The following KCNMB2 variants were observed in gnomAD, a reference collection of about 807,000 sequenced individuals.
The protein encoded by KCNMB2 is calcium-activated potassium channel subunit beta-2.
Under a neutral mutation model 24.5 loss-of-function variants are expected in KCNMB2, and 9 were observed. The ratio of observed to expected loss-of-function variants is 0.37; its 90% confidence interval spans 0.22 to 0.64. The LOEUF (loss-of-function observed/expected upper bound fraction) is 0.64. KCNMB2 is among the 30% of genes least tolerant of loss of function. The pLI is 0.63. For missense variants in KCNMB2, 226 were observed against 284.3 expected (o/e 0.79, Z 1.47); for synonymous variants, 109 against 104.4 (o/e 1.04, Z -0.27).
intron 1 of KCNMB2, among the ~76,000 whole-genome samples, chr3:178,667,962 C>G (rs1015201142): frequency 1.3e-5 from 2 of 152,116 alleles, no homozygotes; most frequent in Non-Finnish European, 2.9e-5. Context: ...CTCTTGCCCC[C>G]ATGAGTTTTT....
intron 1 of KCNMB2, among the ~76,000 whole-genome samples, chr3:178,655,875 T>C (rs546158418): frequency 6.6e-6 from 1 of 152,314 alleles, no homozygotes; most frequent in South Asian, 2.1e-4. Flanking sequence ...CTCATCAGAA[T>C]TTACTTTTAT....
intron 1 of KCNMB2, among the ~76,000 whole-genome samples, chr3:178,682,870 A>T (rs1275067257): frequency 6.6e-6 from 1 of 152,134 alleles, no homozygotes; most frequent in Non-Finnish European, 1.5e-5. Flanking sequence ...AAAGAAAAAA[A>T]AACAGATGTT....
chr3:178,571,780 G>A (rs1171739268), intron 1 of KCNMB2, among the ~76,000 whole-genome samples: 4 of 151,886 alleles, frequency 2.6e-5, no homozygotes, highest in South Asian at 2.1e-4. Context: ...GAGAACATGC[G>A]GTGTTTGGCT....
chr3:178,559,507 A>T (rs1188022914), intron 1 of KCNMB2, among the ~76,000 whole-genome samples: 1 of 151,698 alleles, frequency 6.6e-6, no homozygotes, highest in Non-Finnish European at 1.5e-5. Flanking sequence ...CATCTAGATG[A>T]CTCTATAAAA....
chr3:178,621,622 TC>T (rs2108527577), intron 1 of KCNMB2, among the ~76,000 whole-genome samples: 1 of 152,292 alleles, frequency 6.6e-6, no homozygotes, highest in South Asian at 2.1e-4. Context: ...GCAGTTTTTT[TC>T]CATTGCACTT....
At chr3:178,830,997 A>G (rs901450913) in intron 4 of KCNMB2, among the ~76,000 whole-genome samples, 1 of 152,108 alleles carries the variant, frequency 6.6e-6, no homozygotes, top group African/African-American at 2.4e-5. Flanking sequence ...CCACCCTAAT[A>G]TCATAAAGTC....
chr3:178,546,587 T>C (rs1370877860), intron 1 of KCNMB2, among the ~76,000 whole-genome samples: 1 of 152,212 alleles, frequency 6.6e-6, no homozygotes, highest in Non-Finnish European at 1.5e-5. Context: ...TATAGCCTGT[T>C]ACAGGGAGTA....
At chr3:178,819,510 C>T (rs1311826038) in intron 2 of KCNMB2, among the ~76,000 whole-genome samples, 1 of 151,904 alleles carries the variant, frequency 6.6e-6, no homozygotes, top group East Asian at 1.9e-4. Flanking sequence ...TCCCCTGTTC[C>T]CCCCACCCCC....
chr3:178,720,825 G>T (rs1722779123), intron 1 of KCNMB2, among the ~76,000 whole-genome samples: 1 of 149,822 alleles, frequency 6.7e-6, no homozygotes, highest in African/African-American at 2.5e-5. Flanking sequence ...TTTTGATGGG[G>T]TTGTTTGTTT....
In KCNMB2 at chr3:178,617,507, C is replaced by T. The variant is rs965433861; in HGVS notation, c.-68+80796C>T. Among the ~76,000 whole-genome samples, 8 of 148,644 alleles carry T rather than the reference C, an allele frequency of 5.4e-5. 1 individual carries two copies. Among genetic ancestry groups the T allele is most frequent in the African/African-American group, 2.0e-4 (8 of 40,346 alleles). ...CGGGAGGTGGAGGTTGCAGATTGGGCGGCAGAGAAGACTCCATCTCAAAAA... is the reference window on the plus strand; with the variant it reads ...CGGGAGGTGGAGGTTGCAGATTGGGTGGCAGAGAAGACTCCATCTCAAAAA... On this transcript the variant is annotated intron_variant, in intron 1 of 4. Coordinates refer to ENST00000452583, the MANE Select transcript of KCNMB2 (RefSeq NM_181361.3).
chr3:178,652,890 T>G (rs563299920), intron 1 of KCNMB2, among the ~76,000 whole-genome samples: 1 of 152,110 alleles, frequency 6.6e-6, no homozygotes, highest in Admixed American at 6.6e-5. Flanking sequence ...CTCAAACTCC[T>G]GACCCCAGGT....
chr3:178,765,014 A>G (rs983363519), intron 1 of KCNMB2, among the ~76,000 whole-genome samples: 3 of 152,230 alleles, frequency 2.0e-5, no homozygotes, highest in South Asian at 2.1e-4. Context: ...TTGCATATTT[A>G]TTACTCTTCT....
At chr3:178,668,411 C>T (rs961984587) in intron 1 of KCNMB2, among the ~76,000 whole-genome samples, 13 of 151,944 alleles carry the variant, frequency 8.6e-5, no homozygotes, top group East Asian at 1.9e-4. Flanking sequence ...GCTTTTTCTG[C>T]GATATTGAGG....
intron 1 of KCNMB2, among the ~76,000 whole-genome samples, chr3:178,614,293 A>ATATATG (rs1560131728): frequency 5.8e-5 from 5 of 85,950 alleles, no homozygotes; most frequent in Non-Finnish European, 1.2e-4. Flanking sequence ...ATATATATAT[A>ATATATG]TATGTATGTA....
intron 1 of KCNMB2, among the ~76,000 whole-genome samples, chr3:178,690,001 A>G (rs1001147764): frequency 6.6e-6 from 1 of 152,140 alleles, no homozygotes; most frequent in African/African-American, 2.4e-5. Flanking sequence ...CAAATTTGAA[A>G]TAGTGTGATA....
intron 4 of KCNMB2, among the ~76,000 whole-genome samples, chr3:178,841,906 G>T (rs943420260): frequency 6.6e-6 from 1 of 152,282 alleles, no homozygotes; most frequent in South Asian, 2.1e-4. Flanking sequence ...AAGATCAAAA[G>T]AAAGGTAGCA....
At chr3:178,568,581 T>C (rs1377301866) in intron 1 of KCNMB2, among the ~76,000 whole-genome samples, 1 of 152,144 alleles carries the variant, frequency 6.6e-6, no homozygotes, top group Non-Finnish European at 1.5e-5. Flanking sequence ...ATCAGCTTAA[T>C]AGTCACAGTA....
intron 1 of KCNMB2, among the ~76,000 whole-genome samples, chr3:178,780,038 A>G (rs1712758842): frequency 1.4e-5 from 2 of 143,964 alleles, no homozygotes; most frequent in Admixed American, 7.1e-5. Context: ...ATGGTGACCA[A>G]TTAGTTGTTT....
At chr3:178,678,736 CA>C in intron 1 of KCNMB2, among the ~76,000 whole-genome samples, 1 of 152,144 alleles carries the variant, frequency 6.6e-6, no homozygotes, top group African/African-American at 2.4e-5. Flanking sequence ...ATGGGCAAAG[CA>C]TGCCAGTGAG....
Sources: allele counts gnomAD v4.1 joint callset (sites outside exome capture counted in the v4.1 genomes callset), GRCh38; gene constraint gnomAD v4.1.1; transcripts MANE v1.5; gene names NCBI Gene and HGNC (gene_info 2026-07-23, HGNC 2026-07-21).